The following POT1 variants were observed in gnomAD, a reference collection of about 807,000 sequenced individuals.
POT1 encodes the protein protection of telomeres 1, also known as protection of telomeres protein 1.
In POT1, 47 loss-of-function variants were observed where a neutral mutation model predicts 78.5. That is an observed-to-expected ratio of 0.60 (90% CI 0.47 to 0.76). The LOEUF (loss-of-function observed/expected upper bound fraction) is 0.76, where lower values mean the gene tolerates loss of function less well. Among genes scored for constraint, POT1 ranks in the 30% least tolerant of loss-of-function variants. POT1 has a pLI of 0.00. For synonymous variants in POT1, 259 were observed against 260.7 expected (o/e 0.99, Z 0.06); for missense variants, 646 against 749.9 (o/e 0.86, Z 1.62).
intron 14 of POT1, among the ~76,000 whole-genome samples, chr7:124,840,015 GAGC>G (rs1794989047): frequency 6.7e-6 from 1 of 148,452 alleles, no homozygotes; most frequent in African/African-American, 2.5e-5. Context: ...TTTTTTTAAG[GAGC>G]AGTTTTAGGT....
chr7:124,923,806 T>C (rs1257872129), intron 2 of POT1, among the ~76,000 whole-genome samples: 1 of 150,872 alleles, frequency 6.6e-6, no homozygotes, highest in Admixed American at 6.6e-5. Context: ...TAGTCACCTA[T>C]AAAGAAAACA....
chr7:124,826,959 A>G (rs1202442102), intron 17 of POT1, among the ~76,000 whole-genome samples: 1 of 152,140 alleles, frequency 6.6e-6, no homozygotes, highest in Non-Finnish European at 1.5e-5. Context: ...GTATCTCTGC[A>G]TTTTGGCCAT....
chr7:124,880,821 G>A, intron 6 of POT1, among the ~76,000 whole-genome samples: 1 of 151,732 alleles, frequency 6.6e-6, no homozygotes, highest in South Asian at 2.1e-4. Flanking sequence ...CAATTTTACA[G>A]AGGAACGTGA....
intron 18 of POT1, among the ~76,000 whole-genome samples, chr7:124,824,392 C>A (rs1194649450): frequency 6.6e-6 from 1 of 151,954 alleles, no homozygotes; most frequent in Non-Finnish European, 1.5e-5. Flanking sequence ...CTACCAGGCC[C>A]ATGCTTTTGG....
chr7:124,853,393 T>C, intron 9 of POT1: 1 of 272,114 alleles, frequency 3.7e-6, no homozygotes. Flanking sequence ...CATTCAACTG[T>C]AAGAGATATT....
chr7:124,882,475 A>C (rs1348228290), intron 6 of POT1, among the ~76,000 whole-genome samples: 1 of 152,026 alleles, frequency 6.6e-6, no homozygotes, highest in Non-Finnish European at 1.5e-5. Flanking sequence ...TTCTATTGCA[A>C]GAGCATGACA....
At chr7:124,868,191 A>C (rs755379475) in intron 7 of POT1, among the ~76,000 whole-genome samples, 3 of 152,210 alleles carry the variant, frequency 2.0e-5, no homozygotes, top group Non-Finnish European at 4.4e-5. Context: ...GTCTGTACTT[A>C]GAATGACCTT....
intron 3 of POT1, among the ~76,000 whole-genome samples, chr7:124,909,519 T>C (rs10271646): frequency 0.28 from 41,962 of 151,692 alleles, 5,927 homozygotes; most frequent in East Asian, 0.3. Context: ...AATTGGTATA[T>C]TAGACCCTCA....
rs575236212 is a variant in POT1, at chr7:124,912,310, A to T, written c.-154+3264T>A. Among the ~76,000 whole-genome samples, 6 of 151,874 alleles carry T rather than the reference A, an allele frequency of 4.0e-5. No homozygotes were observed. The East Asian group carries it at 1.2e-3, about 29-fold the overall frequency. Reference sequence around the variant, plus strand: ...CTCCAAGTCACACCTGCTGGGTTTTAGATACCCTGAGCCTCTCCTTGACAT... The same window carrying T: ...CTCCAAGTCACACCTGCTGGGTTTTTGATACCCTGAGCCTCTCCTTGACAT... On this transcript the variant is annotated intron_variant, in intron 3 of 18. Transcript: ENST00000357628.
intron 6 of POT1, among the ~76,000 whole-genome samples, chr7:124,885,464 C>A (rs1022649665): frequency 1.3e-5 from 2 of 151,278 alleles, no homozygotes; most frequent in African/African-American, 2.4e-5. Context: ...AGAGCAAGAC[C>A]CTGTCTCTCT....
chr7:124,902,187 T>C (rs535188818), intron 3 of POT1, among the ~76,000 whole-genome samples: 2 of 152,194 alleles, frequency 1.3e-5, no homozygotes, highest in African/African-American at 2.4e-5. Flanking sequence ...GCCACAAAGA[T>C]GCTCCTCGAG....
chr7:124,854,787 GA>G (rs1196720991), intron 9 of POT1, among the ~76,000 whole-genome samples: 1 of 151,704 alleles, frequency 6.6e-6, no homozygotes. Context: ...TGAGACATTG[GA>G]AAAAACATAA....
intron 6 of POT1, among the ~76,000 whole-genome samples, chr7:124,890,239 G>C (rs1327607392): frequency 1.3e-5 from 2 of 151,870 alleles, no homozygotes; most frequent in Non-Finnish European, 1.5e-5. Context: ...AAGAAAACTA[G>C]AATTATAAAT....
rs548010055 is a variant in POT1 at position 124,827,375 on chromosome 7, G to A, written c.1595-70C>T. On this transcript the variant is annotated intron_variant, in intron 16 of 18. Transcript: ENST00000357628. ...TTATTATCAAGGTAAAGTTAAAATT[G>A]TTTTATGATAGTATAGACCTGTAAA... The A allele has an allele frequency of 5.6e-6, 5 of 893,452 alleles. No individual in the cohort carries two copies. In the South Asian group the frequency reaches 1.0e-4, roughly 18 times the overall value. The allele number at this position is 893,452 out of a possible 1,614,324, so 55.3% of individuals were successfully genotyped here. A position where few individuals can be genotyped will look rare whatever the true frequency, so the allele number is the denominator to read the frequency against.
intron 10 of POT1, among the ~76,000 whole-genome samples, chr7:124,852,759 C>T (rs1795343166): frequency 6.6e-6 from 1 of 152,076 alleles, no homozygotes; most frequent in South Asian, 2.1e-4. Flanking sequence ...CAGATTCAAA[C>T]TGTTGGAAAA....
intron 14 of POT1, chr7:124,840,589 ATGACTTTC>A (rs1355994348): frequency 6.5e-6 from 1 of 153,452 alleles, no homozygotes; most frequent in African/African-American, 2.4e-5. Flanking sequence ...GATACAATAG[ATGACTTTC>A]ACCCTATTTC....
At chr7:124,836,241 C>T (rs1418976344) in intron 14 of POT1, among the ~76,000 whole-genome samples, 1 of 152,106 alleles carries the variant, frequency 6.6e-6, no homozygotes, top group East Asian at 1.9e-4. Flanking sequence ...AGGCCTTCAA[C>T]AATCCAAGGA....
chr7:124,881,319 C>T (rs776577392), intron 6 of POT1, among the ~76,000 whole-genome samples: 3 of 152,000 alleles, frequency 2.0e-5, no homozygotes, highest in Admixed American at 6.6e-5. Context: ...TATAATCTTA[C>T]GAGACCACTG....
At chr7:124,844,150 C>T (rs1401047364) in intron 12 of POT1, among the ~76,000 whole-genome samples, 1 of 134,140 alleles carries the variant, frequency 7.5e-6, no homozygotes, top group Non-Finnish European at 1.6e-5. Flanking sequence ...TTTTCGGAGA[C>T]GGAGTTTCCC....
Sources: gnomAD v4.1 joint callset for allele counts (sites outside exome capture counted in the v4.1 genomes callset) on GRCh38, gnomAD v4.1.1 for gene constraint, MANE v1.5 for transcripts, NCBI Gene and HGNC (gene_info 2026-07-23, HGNC 2026-07-21) for gene names.